GABRG3: variants seen among roughly 807,000 people sequenced by gnomAD.
GABRG3 encodes the protein gamma-aminobutyric acid receptor subunit gamma-3.
In GABRG3, 25 loss-of-function variants were observed where a neutral mutation model predicts 48.8. The ratio of observed to expected loss-of-function variants is 0.51; its 90% CI spans 0.37 to 0.72. The LOEUF is 0.72. GABRG3 is among the 30% of genes least tolerant of loss of function. The probability of loss-of-function intolerance (pLI) is 0.00; values close to 1 mark genes in which losing one functional copy is unlikely to be tolerated. For synonymous variants in GABRG3, 227 were observed against 217.6 expected (o/e 1.04, Z -0.38); for missense variants, 394 against 577.9 (o/e 0.68, Z 3.26).
chr15:27,405,515 G>A (rs1381762091), intron 5 of GABRG3, among the ~76,000 whole-genome samples: 2 of 152,170 alleles, frequency 1.3e-5, no homozygotes, highest in East Asian at 3.8e-4. Flanking sequence ...AAAGCTGATG[G>A]TGTTCATCCT....
At chr15:27,109,099 A>G (rs1426870369) in intron 3 of GABRG3, among the ~76,000 whole-genome samples, 1 of 152,174 alleles carries the variant, frequency 6.6e-6, no homozygotes, top group African/African-American at 2.4e-5. Flanking sequence ...GATGTTACAC[A>G]TTTAGATTGT....
At chr15:27,131,907 A>G (rs979762000) in intron 3 of GABRG3, among the ~76,000 whole-genome samples, 14 of 151,976 alleles carry the variant, frequency 9.2e-5, no homozygotes, top group Non-Finnish European at 1.8e-4. Context: ...TTAAAAATAT[A>G]TATTTGGCCA....
chr15:26,984,994 A>T (rs1304167553), intron 2 of GABRG3, among the ~76,000 whole-genome samples: 2 of 152,278 alleles, frequency 1.3e-5, no homozygotes, highest in Non-Finnish European at 2.9e-5. Flanking sequence ...GGCTTCTTCA[A>T]GTGTTTGCAT....
chr15:27,388,322 A>AGAAGGAAGGAAGAAAG (rs1831607514), intron 5 of GABRG3, among the ~76,000 whole-genome samples: 1 of 25,520 alleles, frequency 3.9e-5, no homozygotes, highest in Non-Finnish European at 7.2e-5. Context: ...GGGAGGGAAA[A>AGAAGGAAGGAAGAAAG]GAAGGAAGGA....
intron 3 of GABRG3, among the ~76,000 whole-genome samples, chr15:27,082,202 G>A (rs1050900783): frequency 1.3e-5 from 2 of 152,148 alleles, no homozygotes; most frequent in Non-Finnish European, 2.9e-5. Flanking sequence ...CTGATTCACA[G>A]GGTCAACAAG....
At chr15:27,445,929 A>C (rs1034885458) in intron 5 of GABRG3, among the ~76,000 whole-genome samples, 6 of 151,584 alleles carry the variant, frequency 4.0e-5, no homozygotes, top group African/African-American at 7.3e-5. Flanking sequence ...TAGTCTTGGG[A>C]CCCTTTGTAG....
intron 3 of GABRG3, among the ~76,000 whole-genome samples, chr15:27,188,018 A>G (rs902265227): frequency 6.6e-6 from 1 of 151,780 alleles, no homozygotes; most frequent in African/African-American, 2.4e-5. Flanking sequence ...GAGAATGATG[A>G]TTTCCAATTT....
chr15:27,272,215 T>C (rs376632028), intron 3 of GABRG3, among the ~76,000 whole-genome samples: 2 of 152,098 alleles, frequency 1.3e-5, no homozygotes, highest in Non-Finnish European at 2.9e-5. Context: ...ACAAAAGGAG[T>C]TTTAGCTATT....
Position 26,971,457 on chromosome 15 carries a change from C to T in GABRG3, c.-79C>T. 2.4e-6 allele frequency: 3 copies of T among 1,237,604 alleles called. No homozygotes were observed. The highest frequency in any genetic ancestry group is 3.2e-6 in the Non-Finnish European group (3 of 924,832). The allele number at this position is 1,237,604 out of a possible 1,614,324, so 76.7% of individuals were successfully genotyped here. On this transcript the variant is annotated 5_prime_UTR_variant, in exon 1 of 10. Transcript: ENST00000615808. ...CGGAGGAAGCCAGGGCAAAGAGGGC[C>T]GGCGGAGACCAGGTCCGCGCCGGAG...
chr15:27,159,475 C>T (rs1421852444), intron 3 of GABRG3, among the ~76,000 whole-genome samples: 2 of 151,678 alleles, frequency 1.3e-5, no homozygotes, highest in East Asian at 3.9e-4. Context: ...GAGTGAGACT[C>T]CATCTTAAAA....
intron 3 of GABRG3, among the ~76,000 whole-genome samples, chr15:27,027,325 G>C (rs1164307949): frequency 1.3e-5 from 2 of 152,192 alleles, no homozygotes; most frequent in Non-Finnish European, 2.9e-5. Flanking sequence ...AGCCTTCTGT[G>C]GTGGGCTGAA....
intron 6 of GABRG3, among the ~76,000 whole-genome samples, chr15:27,489,823 C>A (rs1235945347): frequency 6.6e-6 from 1 of 152,150 alleles, no homozygotes; most frequent in Non-Finnish European, 1.5e-5. Flanking sequence ...CTATAGGTCG[C>A]CTGTTCATTC....
At chr15:27,188,287 C>T (rs1372553589) in intron 3 of GABRG3, among the ~76,000 whole-genome samples, 4 of 152,184 alleles carry the variant, frequency 2.6e-5, no homozygotes, top group African/African-American at 9.6e-5. Context: ...GTTCTAGATC[C>T]CTGAGGAATT....
intron 3 of GABRG3, among the ~76,000 whole-genome samples, chr15:27,133,022 A>T (rs1180719656): frequency 6.6e-6 from 1 of 151,450 alleles, no homozygotes. Context: ...ACCGCAAGAT[A>T]TTTTCTAATT....
intron 3 of GABRG3, among the ~76,000 whole-genome samples, chr15:27,113,145 G>A (rs1897582814): frequency 6.6e-6 from 1 of 151,342 alleles, no homozygotes; most frequent in African/African-American, 2.4e-5. Flanking sequence ...ATTCTATTTG[G>A]ACTATCTTAT....
chr15:27,238,585 C>T (rs141669598), intron 3 of GABRG3, among the ~76,000 whole-genome samples: 49 of 152,286 alleles, frequency 3.2e-4, no homozygotes, highest in Middle Eastern at 3.4e-3. Flanking sequence ...ATGACAGCCC[C>T]CAAATTTCTA....
At chr15:27,484,456 TAAA>T (rs1890173045) in intron 6 of GABRG3, among the ~76,000 whole-genome samples, 2 of 152,114 alleles carry the variant, frequency 1.3e-5, no homozygotes, top group African/African-American at 2.4e-5. Context: ...TGTTATTAAT[TAAA>T]AAGAAGCTAA....
chr15:27,355,228 G>A (rs188057964), intron 5 of GABRG3, among the ~76,000 whole-genome samples: 16 of 152,304 alleles, frequency 1.1e-4, no homozygotes, highest in Admixed American at 7.2e-4. Flanking sequence ...TCCTGTAAAT[G>A]AACAGACCAT....
At position 27,002,860 on chromosome 15, in the gene GABRG3, G is replaced by C. The variant is rs1377190348; in HGVS notation, c.203-23894G>C. Among the ~76,000 whole-genome samples, 3 of 152,182 alleles carry C rather than the reference G, an allele frequency of 2.0e-5. No homozygotes were observed. The East Asian group carries it at 5.8e-4, about 29-fold the overall frequency. On this transcript the variant is annotated intron_variant, in intron 2 of 9. Coordinates refer to ENST00000615808, the MANE Select transcript of GABRG3 (RefSeq NM_033223.5). ...TGTGCCTGTGGTCCCAGCTACTTGG[G>C]AGGCTGAGGTGGGAGGATTGCCTGA...
Sources: gnomAD v4.1 joint callset for allele counts (sites outside exome capture counted in the v4.1 genomes callset) on GRCh38, gnomAD v4.1.1 for gene constraint, MANE v1.5 for transcripts, NCBI Gene and HGNC (gene_info 2026-07-23, HGNC 2026-07-21) for gene names.